The following COL16A1 variants were observed in gnomAD, a reference collection of about 807,000 sequenced individuals.
COL16A1 encodes the protein collagen alpha-1(XVI) chain.
In COL16A1, 189 loss-of-function variants were observed where a neutral mutation model predicts 266.3. The observed-to-expected ratio is 0.71, with a 90% CI of 0.63 to 0.80. The LOEUF (loss-of-function observed/expected upper bound fraction) is 0.80, where lower values mean the gene tolerates loss of function less well. Ranked by LOEUF, COL16A1 falls within the 30% of genes least tolerant of loss-of-function variation. The pLI is 0.00. For missense variants in COL16A1, 1,928 were observed against 2,122.4 expected (o/e 0.91, Z 1.80); for synonymous variants, 740 against 782.3 (o/e 0.95, Z 0.90).
chr1:31,691,113 G>C, intron 20 of COL16A1, 75 bp downstream of exon 20: 1 of 1,557,216 alleles, frequency 6.4e-7, no homozygotes, highest in South Asian at 1.2e-5. Context: ...CCTGTGGGAA[G>C]CTGCCCCGGC....
chr1:31,700,141 T>A, intron 2 of COL16A1, 26 bp from the exon 3 acceptor site: 17 of 1,612,300 alleles, frequency 1.1e-5, no homozygotes, highest in Non-Finnish European at 1.4e-5. Context: ...CAGGGGGGCA[T>A]TAGGTGCGCT....
intron 22 of COL16A1, 25 bp downstream of exon 22, chr1:31,690,342 C>A (rs1271875412): frequency 6.2e-7 from 1 of 1,613,314 alleles, no homozygotes; most frequent in African/African-American, 1.3e-5. Context: ...CCACCCCGAT[C>A]TGGGCAGCCA....
chr1:31,652,868 G>A lies in COL16A1; in HGVS notation c.4613-15C>T. 6.8e-7 allele frequency: 1 copy of A among 1,475,670 alleles called. No individual in the cohort carries two copies. The highest frequency in any genetic ancestry group is 9.0e-7 in the Non-Finnish European group (1 of 1,113,410). The allele number at this position is 1,475,670 out of a possible 1,614,324, so 91.4% of individuals were successfully genotyped here. On this transcript the variant is annotated splice_polypyrimidine_tract_variant and intron_variant, in intron 70 of 70. Coordinates refer to ENST00000373672, the MANE Select transcript of COL16A1 (RefSeq NM_001856.4). This position sits in a 1 kb window ranked among gnomAD's most constrained non-coding sequence, Gnocchi z 4.8. ...ACCTTGAGGACCTAGGGAGGGAAGGGCCACAGAGGGAAAATCAGAAGACCC... is the reference window on the plus strand; with the variant it reads ...ACCTTGAGGACCTAGGGAGGGAAGGACCACAGAGGGAAAATCAGAAGACCC...
In COL16A1 at chr1:31,665,246, A is replaced by G. The variant is rs760004761; in HGVS notation, c.3493-12T>C. The G allele has an allele frequency of 4.4e-6, 7 of 1,589,688 alleles. No individual in the cohort carries two copies. The highest frequency in any genetic ancestry group is 1.4e-5 in the African/African-American group (1 of 73,124). ...AATCCAGGGGGACCCTGTATCAACA[A>G]AGGGGCAGGCAGGAATGAAAGTGGG... On this transcript the variant is annotated splice_polypyrimidine_tract_variant and intron_variant, in intron 55 of 70. Coordinates refer to ENST00000373672, the MANE Select transcript of COL16A1 (RefSeq NM_001856.4).
At position 31,691,338 on chromosome 1, in the gene COL16A1, TC is replaced by T. The variant is rs1168500863; in HGVS notation, c.1398+78del. 16 of 1,581,434 alleles carry T rather than the reference TC, an allele frequency of 1.0e-5. No homozygotes were observed. The African/African-American group carries it at 1.9e-4, about 19-fold the overall frequency. On this transcript the variant is annotated intron_variant, in intron 19 of 70. Coordinates refer to ENST00000373672, the MANE Select transcript of COL16A1 (RefSeq NM_001856.4). ...GGATCCCTGGGACAGAGCCTTATCT[TC>T]CCCCCGTTCATTCCCTGGCCAGGGT...
intron 2 of COL16A1, among the ~76,000 whole-genome samples, chr1:31,701,772 T>C (rs1290060622): frequency 3.9e-5 from 6 of 152,078 alleles, no homozygotes; most frequent in Non-Finnish European, 7.4e-5. Context: ...ACCCCACTGG[T>C]CCTACCAGCA....
chr1:31,679,756 TGGA>T (rs1408576843), intron 41 of COL16A1, 45 bp downstream of exon 41: 1 of 1,598,250 alleles, frequency 6.3e-7, no homozygotes. Flanking sequence ...CTGTTTAGGG[TGGA>T]CAAGCCGCGG....
Position 31,657,286 on chromosome 1 carries a change from G to T in COL16A1, c.4021-218C>A. On this transcript the variant is annotated intron_variant, in intron 64 of 70. Coordinates refer to ENST00000373672, the MANE Select transcript of COL16A1 (RefSeq NM_001856.4). This position sits in a 1 kb window ranked among gnomAD's most constrained non-coding sequence, Gnocchi z 6.4. Reference sequence around the variant, plus strand: ...AGAGCCCCAACAGCTCCCAGCCCCCGTCTACAAGAGCTTTACAAGGGAAGA... The same window carrying T: ...AGAGCCCCAACAGCTCCCAGCCCCCTTCTACAAGAGCTTTACAAGGGAAGA... The T allele has an allele frequency of 1.7e-6, 1 of 598,572 alleles. No homozygotes were observed. Among genetic ancestry groups the T allele is most frequent in the Non-Finnish European group, 3.0e-6 (1 of 336,324 alleles). The allele number at this position is 598,572 out of a possible 1,614,324, so 37.1% of individuals were successfully genotyped here. A position where few individuals can be genotyped will look rare whatever the true frequency, so the allele number is the denominator to read the frequency against.
rs1570391284 is a variant in COL16A1, at chr1:31,665,163, C to G, written c.3555+9G>C. On this transcript the variant is annotated intron_variant, in intron 56 of 70. Coordinates refer to ENST00000373672, the MANE Select transcript of COL16A1 (RefSeq NM_001856.4). Reference sequence around the variant, plus strand: ...ATCTGTGACTTTGCCAACCCAGGGTCCTGCTCACCTTCTCTGCTTGAGGGC... The same window carrying G: ...ATCTGTGACTTTGCCAACCCAGGGTGCTGCTCACCTTCTCTGCTTGAGGGC... 3 of 1,606,168 alleles carry G rather than the reference C, an allele frequency of 1.9e-6. No individual in the cohort carries two copies. The African/African-American group carries it at 4.0e-5, about 22-fold the overall frequency.
At chr1:31,661,038 G>T in intron 61 of COL16A1, 28 bp downstream of exon 61, 1 of 1,550,984 alleles carries the variant, frequency 6.4e-7, no homozygotes. Context: ...GCAAACTGAA[G>T]GCAGCCATGT....
At position 31,690,398 on chromosome 1, in the gene COL16A1, T is replaced by C. The variant is rs554097132; in HGVS notation, c.1483-5A>G. 1.9e-6 allele frequency: 3 copies of C among 1,614,134 alleles called. No individual in the cohort carries two copies. Among genetic ancestry groups the C allele is most frequent in the Admixed American group, 3.3e-5 (2 of 60,018 alleles). ...TCCCTTCACACCTGGCTTCCCCTGT[T>C]AGAAAAGAGGCAATGGGCATCAGTG... On this transcript the variant is annotated splice_region_variant and splice_polypyrimidine_tract_variant and intron_variant, in intron 21 of 70. Transcript: ENST00000373672.
chr1:31,681,817 T>C (rs115686828), intron 37 of COL16A1, among the ~76,000 whole-genome samples: 1,915 of 152,308 alleles, frequency 0.013, 43 homozygotes, highest in African/African-American at 0.04. Context: ...CTGGCCCACA[T>C]CTCTCCTTTT....
chr1:31,689,797 C>G lies in COL16A1; in HGVS notation c.1564G>C (p.Gly522Arg), dbSNP rs766497536. 1.2e-6 allele frequency: 2 copies of G among 1,614,122 alleles called. No homozygotes were observed. Among genetic ancestry groups the G allele is most frequent in the Admixed American group, 3.3e-5 (2 of 60,022 alleles). ...TTGGGCCCTGGCTTTCCAGGAAGTC[C>G]AACAAAGTTCTGGAACCCTTCAGGC... is the stretch of plus-strand genomic sequence containing the variant. The part of the protein sequence containing the change: ...TLPEGFQNFV[G>R]LPGKPGPKGE... Residue 522 changes from glycine (G) to arginine (R), a missense_variant, in exon 23 of 71, where the codon GGA (glycine) becomes CGA (arginine). Coordinates refer to ENST00000373672, the MANE Select transcript of COL16A1 (RefSeq NM_001856.4).
chr1:31,660,878 A>G (rs1490422642), intron 61 of COL16A1, among the ~76,000 whole-genome samples, 188 bp downstream of exon 61: 1 of 152,254 alleles, frequency 6.6e-6, no homozygotes, highest in Non-Finnish European at 1.5e-5. Context: ...TCCAGGGAGC[A>G]GAACCAGTTA....
Position 31,688,379 on chromosome 1 carries a change from T to C in COL16A1, c.1803+88A>G, listed in dbSNP as rs1644093410. 7.1e-6 allele frequency: 10 copies of C among 1,406,500 alleles called. No individual in the cohort carries two copies. The highest frequency in any genetic ancestry group is 1.0e-5 in the Non-Finnish European group (10 of 991,976). The allele number at this position is 1,406,500 out of a possible 1,614,324, so 87.1% of individuals were successfully genotyped here. A position where few individuals can be genotyped will look rare whatever the true frequency, so the allele number is the denominator to read the frequency against. On this transcript the variant is annotated intron_variant, in intron 26 of 70. Transcript: ENST00000373672. This position sits in a 1 kb window ranked among gnomAD's most constrained non-coding sequence, Gnocchi z 4.9. ...ATTTACCGTCTGAATCTCTTGTTTA[T>C]ATTACCCTTATTCCCCGCCCGCACC... is the stretch of plus-strand genomic sequence containing the variant.
chr1:31,661,969 C>T (rs1359645473), intron 58 of COL16A1, among the ~76,000 whole-genome samples: 2 of 152,176 alleles, frequency 1.3e-5, no homozygotes, highest in Non-Finnish European at 2.9e-5. Flanking sequence ...TTCAGATTCC[C>T]CAGCAAAACC....
Position 31,668,333 on chromosome 1 carries a change from C to A in COL16A1, c.3250-115G>T, listed in dbSNP as rs564848476. On this transcript the variant is annotated intron_variant, in intron 50 of 70. Coordinates refer to ENST00000373672, the MANE Select transcript of COL16A1 (RefSeq NM_001856.4). The surrounding 1 kb of genome is among the most constrained non-coding windows in gnomAD (Gnocchi z 5.8). Reference sequence around the variant, plus strand: ...GGGGCTGCCATCTAGCAGGTGCCAGCCTGCCCCAGCATTGCACACTGGGCC... The same window carrying A: ...GGGGCTGCCATCTAGCAGGTGCCAGACTGCCCCAGCATTGCACACTGGGCC... 2.7e-6 allele frequency: 3 copies of A among 1,113,834 alleles called. No homozygotes were observed. The highest frequency in any genetic ancestry group is 4.0e-6 in the Non-Finnish European group (3 of 748,052). The allele number at this position is 1,113,834 out of a possible 1,614,324, so 69.0% of individuals were successfully genotyped here. A position where few individuals can be genotyped will look rare whatever the true frequency, so the allele number is the denominator to read the frequency against.
chr1:31,684,954 A>T, intron 29 of COL16A1, 98 bp from the exon 30 acceptor site: 2 of 1,595,774 alleles, frequency 1.3e-6, no homozygotes, highest in Non-Finnish European at 1.7e-6. Context: ...TAAACAAACA[A>T]ACAAAATCTC....
intron 44 of COL16A1, 72 bp from the exon 45 acceptor site, chr1:31,672,912 A>T (rs148139277): frequency 5.6e-6 from 8 of 1,432,002 alleles, no homozygotes; most frequent in East Asian, 2.4e-5. Flanking sequence ...GGGGAGCCCC[A>T]GTGAGAACCC....
Sources: allele counts gnomAD v4.1 joint callset (sites outside exome capture counted in the v4.1 genomes callset), GRCh38; gene constraint gnomAD v4.1.1; non-coding constraint Gnocchi (gnomAD v3.1); transcripts MANE v1.5; gene names NCBI Gene and HGNC (gene_info 2026-07-23, HGNC 2026-07-21).